KIF18B: variants seen among roughly 807,000 people sequenced by gnomAD.
KIF18B encodes kinesin family member 18B.
A neutral mutation model predicts 80.9 loss-of-function variants in KIF18B; 49 were observed. That is an observed-to-expected ratio of 0.61 (90% CI 0.48 to 0.77). KIF18B has a LOEUF of 0.77. Ranked by LOEUF, KIF18B falls within the 30% of genes least tolerant of loss-of-function variation. The probability of loss-of-function intolerance (pLI) is 0.00; values close to 1 mark genes in which losing one functional copy is unlikely to be tolerated. For synonymous variants in KIF18B, 439 were observed against 463.9 expected (o/e 0.95, Z 0.69); for missense variants, 994 against 1,127.7 (o/e 0.88, Z 1.70).
In KIF18B at chr17:44,932,912, C is replaced by T. The variant is rs2052189983; in HGVS notation, c.1137G>A (p.Glu379=). The change falls in exon 8 of 16, where the codon GAG becomes GAA. Residue 379 remains glutamate, a splice_region_variant and synonymous_variant. Transcript: ENST00000593135. ...CCTGCCCCCAAGGCGGGCTCCTCAC[C>T]TCAGCCTGGAGCTGTTGGCAGATGG... ...YATICQQLQA[E]VAALRKKLQV... 6.2e-7 allele frequency: 1 copy of T among 1,603,276 alleles called. No individual in the cohort carries two copies. Among genetic ancestry groups the T allele is most frequent in the African/African-American group, 1.3e-5 (1 of 74,870 alleles).
chr17:44,933,062 A>G, intron 7 of KIF18B, 76 bp from the exon 8 acceptor site: 1 of 1,372,848 alleles, frequency 7.3e-7, no homozygotes, highest in Admixed American at 1.8e-5. Context: ...ATGGCCAGGC[A>G]CTGCACTAGG....
chr17:44,936,612 ATATATATATATATTTTTTTTTTT>A (rs2052308901), intron 1 of KIF18B, among the ~76,000 whole-genome samples: 1 of 77,032 alleles, frequency 1.3e-5, no homozygotes, highest in African/African-American at 4.9e-5. Flanking sequence ...ATATATATAT[ATATATATATATATTTTTTTTTTT>A]TTTTTTTTTT....
rs960030315 is a variant in KIF18B, at chr17:44,928,675, T to C, written c.1724-97A>G. 5.8e-6 allele frequency: 8 copies of C among 1,383,866 alleles called. No homozygotes were observed. In the Admixed American group the frequency reaches 2.2e-4, roughly 39 times the overall value. The allele number at this position is 1,383,866 out of a possible 1,614,324, so 85.7% of individuals were successfully genotyped here. A position where few individuals can be genotyped will look rare whatever the true frequency, so the allele number is the denominator to read the frequency against. On this transcript the variant is annotated intron_variant, in intron 12 of 15. Transcript: ENST00000593135. ...CCTCAGGTCTCCTGGGGCCTCTCTG[T>C]GTGCAGAAGTCTAGGATCCCAGGGG...
rs2052019594 is a variant in KIF18B at position 44,926,122 on chromosome 17, C to G, written c.2517G>C (p.Gly839=). The G allele has an allele frequency of 1.9e-6, 3 of 1,613,760 alleles. No homozygotes were observed. Among genetic ancestry groups the G allele is most frequent in the Non-Finnish European group, 2.5e-6 (3 of 1,179,868 alleles). The stretch of plus-strand genomic sequence containing the variant: ...CGCCGTTCCCTGCTGAGAGTGCTCT[C>G]CCCACCCTGATGAGGTCCTTTCCAT... ...RRNGKDLIRV[G]RALSAGNGVT... Residue 839 remains glycine (G), a synonymous_variant, in exon 16 of 16, where the codon GGG becomes GGC. Coordinates refer to ENST00000593135, the MANE Select transcript of KIF18B (RefSeq NM_001265577.2).
chr17:44,935,894 T>G lies in KIF18B; in HGVS notation c.313+138A>C, dbSNP rs182132057. On this transcript the variant is annotated intron_variant, in intron 2 of 15. Coordinates refer to ENST00000593135, the MANE Select transcript of KIF18B (RefSeq NM_001265577.2). ...TGAATGAGTGTCCCACAGAGCATGATGGGACATTGTACAAAACTCCTTAGT... is the reference window on the plus strand; with the variant it reads ...TGAATGAGTGTCCCACAGAGCATGAGGGGACATTGTACAAAACTCCTTAGT... The G allele has an allele frequency of 1.4e-3, 1,065 of 737,452 alleles. 6 individuals are homozygous for G. The Middle Eastern group carries it at 0.026, about 18-fold the overall frequency. The allele number at this position is 737,452 out of a possible 1,614,324, so 45.7% of individuals were successfully genotyped here.
chr17:44,944,767 T>C (rs956742521), intron 1 of KIF18B, among the ~76,000 whole-genome samples: 5 of 152,206 alleles, frequency 3.3e-5, no homozygotes, highest in African/African-American at 1.2e-4. Context: ...GGAATAGTCC[T>C]AGATCTAGTC....
chr17:44,936,624 A>T (rs9635718), intron 1 of KIF18B, among the ~76,000 whole-genome samples: 315 of 27,898 alleles, frequency 0.011, 3 homozygotes, highest in Middle Eastern at 0.033. Context: ...ATATATATAT[A>T]TTTTTTTTTT....
intron 2 of KIF18B, 54 bp downstream of exon 2, chr17:44,935,978 C>T (rs2052279137): frequency 6.5e-7 from 1 of 1,537,234 alleles, no homozygotes; most frequent in Admixed American, 1.7e-5. Flanking sequence ...AAACCCTTCC[C>T]TTAGGAGGAG....
At chr17:44,936,616 ATATATATATTTTTTTT>A (rs2052310569) in intron 1 of KIF18B, among the ~76,000 whole-genome samples, 5 of 79,782 alleles carry the variant, frequency 6.3e-5, no homozygotes, top group African/African-American at 1.5e-4. Flanking sequence ...ATATATATAT[ATATATATATTTTTTTT>A]TTTTTTTTTT....
chr17:44,947,036 G>C (rs1438697922), intron 1 of KIF18B, among the ~76,000 whole-genome samples: 1 of 147,244 alleles, frequency 6.8e-6, no homozygotes, highest in African/African-American at 2.5e-5. Context: ...TTGAACCCGG[G>C]AGGCGGAGGT....
Position 44,936,258 on chromosome 17 carries a change from C to G in KIF18B, c.87G>C (p.Val29=), listed in dbSNP as rs747261989. Residue 29 remains valine (V), a synonymous_variant, in exon 2 of 16, where the codon GTG becomes GTC. Transcript: ENST00000593135. Reference sequence around the variant, plus strand: ...GCACCCGCTCGTCCACCACCTGAACCACTGGCCGCCGCTGACTGTCCAGCT... The same window carrying G: ...GCACCCGCTCGTCCACCACCTGAACGACTGGCCGCCGCTGACTGTCCAGCT... ...PRELDSQRRP[V]VQVVDERVLV... is the part of the protein sequence containing the mutation. The G allele has an allele frequency of 7.5e-6, 12 of 1,610,608 alleles. No homozygotes were observed. In the East Asian group the frequency reaches 2.2e-4, roughly 30 times the overall value.
At chr17:44,939,366 C>CAAAAAAAAA (rs781348504) in intron 1 of KIF18B, among the ~76,000 whole-genome samples, 552 of 36,906 alleles carry the variant, frequency 0.015, 35 homozygotes, top group Non-Finnish European at 0.02. Context: ...GACTCCATCT[C>CAAAAAAAAA]AAAAAAAAAA....
chr17:44,929,449 T>G (rs2052102334), intron 11 of KIF18B, among the ~76,000 whole-genome samples: 1 of 152,044 alleles, frequency 6.6e-6, no homozygotes, highest in African/African-American at 2.4e-5. Flanking sequence ...CCAGCTCAAG[T>G]CAGACTGCCA....
chr17:44,929,080 C>G, intron 11 of KIF18B, 56 bp from the exon 12 acceptor site: 1 of 1,476,820 alleles, frequency 6.8e-7, no homozygotes. Context: ...TGACCAGGAG[C>G]CTCTATGCCA....
Position 44,933,961 on chromosome 17 carries a change from G to T in KIF18B, c.1024C>A (p.Leu342Ile). ...SLTYEDTYNT[L>I]KYADRAKEIR... ...TCCTTGGCCCGGTCGGCATATTTGA[G>T]GGTGTTGTACGTGTCCTCGTAGGTC... The change falls in exon 7 of 16, where the codon CTC becomes ATC. Residue 342 changes from leucine (L) to isoleucine (I), a missense_variant. By Grantham distance (5) the Leu-to-Ile change is conservative. Transcript: ENST00000593135. The T allele has an allele frequency of 6.3e-7, 1 of 1,591,040 alleles. No homozygotes were observed. Among genetic ancestry groups the T allele is most frequent in the East Asian group, 2.3e-5 (1 of 43,866 alleles).
chr17:44,944,414 T>G (rs1314795792), intron 1 of KIF18B, among the ~76,000 whole-genome samples: 1 of 152,064 alleles, frequency 6.6e-6, no homozygotes, highest in Non-Finnish European at 1.5e-5. Context: ...GGCTATTTTT[T>G]GTATTTTTAG....
At chr17:44,926,552 T>C in intron 14 of KIF18B, 53 bp from the exon 15 acceptor site, 1 of 1,480,530 alleles carries the variant, frequency 6.8e-7, no homozygotes, top group Non-Finnish European at 9.0e-7. Flanking sequence ...CTCTGGACTA[T>C]GGGTGTGCAT....
intron 1 of KIF18B, among the ~76,000 whole-genome samples, chr17:44,943,405 TG>T (rs1167959208): frequency 6.6e-6 from 1 of 152,110 alleles, no homozygotes; most frequent in Non-Finnish European, 1.5e-5. Flanking sequence ...TGGCCTCTTT[TG>T]TTTTTTTAAA....
chr17:44,934,301 C>T lies in KIF18B; in HGVS notation c.817G>A (p.Glu273Lys). 6.2e-7 allele frequency: 1 copy of T among 1,612,320 alleles called. No individual in the cohort carries two copies. Among genetic ancestry groups the T allele is most frequent in the Non-Finnish European group, 8.5e-7 (1 of 1,179,382 alleles). ...AGAGAGCGGTTGATGTTGGCCCCCTCCCGCAGCCGCTCCCCCTTCGCATGG... is the reference window on the plus strand; with the variant it reads ...AGAGAGCGGTTGATGTTGGCCCCCTTCCGCAGCCGCTCCCCCTTCGCATGG... ...STHAKGERLR[E>K]GANINRSLLA... Residue 273 changes from glutamate to lysine, a missense_variant, in exon 6 of 16, where the codon GAG becomes AAG. Glu to Lys is a moderately conservative substitution (Grantham distance 56). Coordinates refer to ENST00000593135, the MANE Select transcript of KIF18B (RefSeq NM_001265577.2). The surrounding 1 kb of genome is among the most constrained non-coding windows in gnomAD (Gnocchi z 5.4).
Sources: gnomAD v4.1 joint callset for allele counts (sites outside exome capture counted in the v4.1 genomes callset) on GRCh38, gnomAD v4.1.1 for gene constraint, Gnocchi (gnomAD v3.1) non-coding constraint, MANE v1.5 for transcripts, NCBI Gene and HGNC (gene_info 2026-07-23, HGNC 2026-07-21) for gene names.